Variants in VPS50 observed in about 807,000 individuals in gnomAD.
The protein encoded by VPS50 is VPS50 subunit of EARP/GARPII complex.
Under a neutral mutation model 139.7 loss-of-function variants are expected in VPS50, and 70 were observed. The observed-to-expected ratio is 0.50, with a 90% CI of 0.41 to 0.61. The LOEUF is 0.61. Among genes scored for constraint, VPS50 ranks in the 20% least tolerant of loss-of-function variants. The pLI, the probability that VPS50 is intolerant of heterozygous loss-of-function variation, is 0.00. For missense variants in VPS50, 921 were observed against 1,133.7 expected, an observed-to-expected ratio of 0.81 and a Z score of 2.69; for synonymous variants, 365 against 376.7, an observed-to-expected ratio of 0.97 and a Z score of 0.36.
chr7:93,324,545 T>A, intron 21 of VPS50, among the ~76,000 whole-genome samples: 4 of 152,220 alleles, frequency 2.6e-5, no homozygotes, highest in African/African-American at 9.7e-5. Flanking sequence ...ATTGAGATAA[T>A]CGTGGTTTTT....
chr7:93,339,663 T>C (rs1223235236), intron 22 of VPS50, among the ~76,000 whole-genome samples: 1 of 152,194 alleles, frequency 6.6e-6, no homozygotes, highest in Non-Finnish European at 1.5e-5. Flanking sequence ...AACTCCATAA[T>C]AGAGATAACC....
intron 16 of VPS50, among the ~76,000 whole-genome samples, chr7:93,301,078 C>T (rs376841426): frequency 3.3e-5 from 5 of 151,942 alleles, no homozygotes; most frequent in East Asian, 1.9e-4. Context: ...GAGTGGATCA[C>T]GAGGTCAAGA....
At chr7:93,307,172 A>C (rs1026555686) in intron 18 of VPS50, among the ~76,000 whole-genome samples, 1 of 151,920 alleles carries the variant, frequency 6.6e-6, no homozygotes, top group Non-Finnish European at 1.5e-5. Flanking sequence ...ATATAGGATT[A>C]GGTTCCTGTG....
At chr7:93,319,223 G>A (rs1044974554) in intron 20 of VPS50, among the ~76,000 whole-genome samples, 19 of 152,136 alleles carry the variant, frequency 1.2e-4, no homozygotes, top group African/African-American at 4.3e-4. Context: ...TTAAACTTCT[G>A]CATTTACAAA....
intron 4 of VPS50, among the ~76,000 whole-genome samples, chr7:93,254,905 A>G (rs1316026014): frequency 6.6e-6 from 1 of 152,204 alleles, no homozygotes; most frequent in Non-Finnish European, 1.5e-5. Context: ...CTGTCAAACA[A>G]AGGAAGGTAT....
chr7:93,355,995 T>C lies in VPS50; in HGVS notation c.2690T>C (p.Ile897Thr), dbSNP rs752338408. The change falls in exon 27 of 28, where the codon ATT becomes ACT. Residue 897 changes from isoleucine (I) to threonine (T), a missense_variant. By Grantham distance (89) the Ile-to-Thr change is moderately conservative (BLOSUM62 -1). Coordinates refer to ENST00000305866, the MANE Select transcript of VPS50 (RefSeq NM_017667.4). The stretch of plus-strand genomic sequence containing the variant: ...GAAAAACTAACAGATATTAGACCCA[T>C]TCCTGATAAAGAATTTGTAGAAACT... ...KLEKLTDIRP[I>T]PDKEFVETYI... The C allele has an allele frequency of 2.1e-5, 34 of 1,584,310 alleles. No homozygotes were observed. Among genetic ancestry groups the C allele is most frequent in the Middle Eastern group, 1.7e-4 (1 of 5,954 alleles).
intron 2 of VPS50, among the ~76,000 whole-genome samples, chr7:93,243,431 A>G (rs1000954730): frequency 4.0e-5 from 6 of 151,596 alleles, no homozygotes; most frequent in African/African-American, 1.5e-4. Context: ...TTGGGAACCA[A>G]TGGCCAAGAT....
chr7:93,294,814 GA>G (rs1796759765), intron 14 of VPS50, among the ~76,000 whole-genome samples, 178 bp downstream of exon 14: 1 of 152,036 alleles, frequency 6.6e-6, no homozygotes, highest in South Asian at 2.1e-4. Flanking sequence ...TAAGTGGCAG[GA>G]AAAAAGTTTT....
At chr7:93,281,404 A>G (rs1012375451) in intron 12 of VPS50, among the ~76,000 whole-genome samples, 2 of 152,178 alleles carry the variant, frequency 1.3e-5, no homozygotes, top group African/African-American at 2.4e-5. Context: ...TTCTGTTCCT[A>G]AATCCTCAGG....
chr7:93,232,949 A>T (rs947651893), intron 1 of VPS50, among the ~76,000 whole-genome samples: 3 of 152,212 alleles, frequency 2.0e-5, no homozygotes, highest in Admixed American at 2.0e-4. Flanking sequence ...ATTTTGGGCA[A>T]GTCCCCAAAC....
chr7:93,337,772 C>T (rs1443668728), intron 22 of VPS50, among the ~76,000 whole-genome samples: 1 of 152,030 alleles, frequency 6.6e-6, no homozygotes, highest in Non-Finnish European at 1.5e-5. Context: ...TATCTGTGCT[C>T]ACTTAACCTG....
chr7:93,268,614 A>C (rs1240856379), intron 9 of VPS50, among the ~76,000 whole-genome samples: 1 of 152,124 alleles, frequency 6.6e-6, no homozygotes, highest in Non-Finnish European at 1.5e-5. Context: ...TGCTGGAGAT[A>C]ATGGCTTCCA....
In VPS50 at chr7:93,355,940, T is replaced by G. The variant is rs2374639; in HGVS notation, c.2635T>G (p.Leu879Val). 6.2e-7 allele frequency: 1 copy of G among 1,603,656 alleles called. No homozygotes were observed. The highest frequency in any genetic ancestry group is 2.2e-5 in the East Asian group (1 of 44,748). The change falls in exon 27 of 28, where the codon TTG becomes GTG. Residue 879 changes from leucine (L) to valine (V), a missense_variant. By Grantham distance (32) the Leu-to-Val change is conservative. Transcript: ENST00000305866. ...CSNEGRALMQ[L>V]DFQQFLMKLE... ...TAATGAGGGTCGTGCCCTGATGCAATTGGATTTTCAACAGTTTTTAATGAA... is the reference window on the plus strand; with the variant it reads ...TAATGAGGGTCGTGCCCTGATGCAAGTGGATTTTCAACAGTTTTTAATGAA...
At chr7:93,289,106 G>T (rs910519637) in intron 12 of VPS50, among the ~76,000 whole-genome samples, 1 of 151,940 alleles carries the variant, frequency 6.6e-6, no homozygotes, top group African/African-American at 2.4e-5. Context: ...TTTTTTTTAG[G>T]CCGTGGTTAA....
chr7:93,333,222 A>G (rs1273269739), intron 21 of VPS50, among the ~76,000 whole-genome samples: 1 of 151,898 alleles, frequency 6.6e-6, no homozygotes, highest in East Asian at 2.0e-4. Flanking sequence ...TTATGGCACA[A>G]CTATTTTCAC....
rs199592888 is a variant in VPS50 at position 93,305,813 on chromosome 7, T to C, written c.1453-15T>C. On this transcript the variant is annotated splice_polypyrimidine_tract_variant and intron_variant, in intron 17 of 27. Transcript: ENST00000305866. ...TTGTTGCTAAAGGGTATCTGGCTCCTTTTTTAACATCTAGGAATTTAAATT... is the reference window on the plus strand; with the variant it reads ...TTGTTGCTAAAGGGTATCTGGCTCCCTTTTTAACATCTAGGAATTTAAATT... 179 of 1,605,126 alleles carry C rather than the reference T, an allele frequency of 1.1e-4. 1 individual carries two copies. The highest frequency in any genetic ancestry group is 1.0e-3 in the African/African-American group (78 of 74,762).
At chr7:93,315,277 A>G (rs896654125) in intron 20 of VPS50, among the ~76,000 whole-genome samples, 2 of 152,172 alleles carry the variant, frequency 1.3e-5, no homozygotes, top group Non-Finnish European at 2.9e-5. Context: ...ATGTAATATT[A>G]TAAGTGCCAC....
intron 8 of VPS50, 106 bp downstream of exon 8, chr7:93,258,498 G>T (rs1183853254): frequency 5.9e-6 from 5 of 848,786 alleles, no homozygotes; most frequent in Non-Finnish European, 9.6e-6. Context: ...ATGATATAAA[G>T]AATATTTTTA....
chr7:93,247,449 T>C (rs1278734021), intron 2 of VPS50, among the ~76,000 whole-genome samples: 1 of 151,978 alleles, frequency 6.6e-6, no homozygotes, highest in African/African-American at 2.4e-5. Flanking sequence ...CTCGATTCAA[T>C]ATTTTTACTT....
Sources: allele counts gnomAD v4.1 joint callset (sites outside exome capture counted in the v4.1 genomes callset), GRCh38; gene constraint gnomAD v4.1.1; transcripts MANE v1.5; gene names NCBI Gene and HGNC (gene_info 2026-07-23, HGNC 2026-07-21).